CACNA2D3: variants seen among roughly 807,000 people sequenced by gnomAD.
The protein encoded by CACNA2D3 is calcium voltage-gated channel auxiliary subunit alpha2delta 3, also known as voltage-dependent calcium channel subunit alpha-2/delta-3.
Under a neutral mutation model 160.6 loss-of-function variants are expected in CACNA2D3, and 60 were observed. The observed-to-expected ratio is 0.37, with a 90% confidence interval of 0.30 to 0.46. The LOEUF (loss-of-function observed/expected upper bound fraction) is 0.46, where lower values mean the gene tolerates loss of function less well. Ranked by LOEUF, CACNA2D3 falls within the 20% of genes least tolerant of loss-of-function variation. The pLI, the probability that CACNA2D3 is intolerant of heterozygous loss-of-function variation, is 1.00. For synonymous variants in CACNA2D3, 558 were observed against 492.9 expected (o/e 1.13, Z -1.75); for missense variants, 1,205 against 1,365.0 (o/e 0.88, Z 1.85).
intron 2 of CACNA2D3, among the ~76,000 whole-genome samples, chr3:54,159,202 G>T (rs1700297702): frequency 6.6e-6 from 1 of 152,082 alleles, no homozygotes; most frequent in Non-Finnish European, 1.5e-5. Context: ...AGAAAGTGGG[G>T]ATGTAGAAAT....
intron 5 of CACNA2D3, among the ~76,000 whole-genome samples, chr3:54,552,224 A>G (rs550789976): frequency 4.3e-4 from 65 of 152,306 alleles, no homozygotes; most frequent in African/African-American, 1.2e-3. Flanking sequence ...ATTGGTACCC[A>G]GTACTACTCT....
Position 54,679,836 on chromosome 3 carries a change from A to G in CACNA2D3, c.1167+37595A>G, listed in dbSNP as rs138244284. On this transcript the variant is annotated intron_variant, in intron 11 of 37. Coordinates refer to ENST00000474759, the MANE Select transcript of CACNA2D3 (RefSeq NM_018398.3). ...GGCAGAGCTACTGTGAATATTTTCC[A>G]TCATGAATAAAATTACCTTTTTGGC... Among the ~76,000 whole-genome samples the G allele has an allele frequency of 5.9e-3, 904 of 152,376 alleles. 16 individuals are homozygous for G. Among genetic ancestry groups the G allele is most frequent in the African/African-American group, 0.02 (837 of 41,594 alleles).
intron 17 of CACNA2D3, among the ~76,000 whole-genome samples, chr3:54,848,468 T>C (rs1490671039): frequency 2.6e-5 from 4 of 152,226 alleles, no homozygotes; most frequent in South Asian, 2.1e-4. Flanking sequence ...CCAAACCATA[T>C]GAACCATGTT....
chr3:54,483,564 T>C (rs1700968003), intron 4 of CACNA2D3, among the ~76,000 whole-genome samples: 1 of 152,204 alleles, frequency 6.6e-6, no homozygotes, highest in African/African-American at 2.4e-5. Context: ...GGATTTACCT[T>C]CTTGTATTAT....
intron 4 of CACNA2D3, among the ~76,000 whole-genome samples, chr3:54,420,675 CAG>C (rs906404042): frequency 1.3e-5 from 2 of 152,208 alleles, no homozygotes; most frequent in Non-Finnish European, 2.9e-5. Flanking sequence ...AGACCAATCT[CAG>C]GGGAGGAGAT....
intron 3 of CACNA2D3, among the ~76,000 whole-genome samples, chr3:54,350,987 T>TTG (rs1559457836): frequency 4.5e-4 from 13 of 28,782 alleles, no homozygotes; most frequent in Admixed American, 1.2e-3. Flanking sequence ...TTTTTGTTTG[T>TTG]TTTTTTTTTT....
At chr3:54,458,284 A>G (rs752213985) in intron 4 of CACNA2D3, among the ~76,000 whole-genome samples, 1 of 151,816 alleles carries the variant, frequency 6.6e-6, no homozygotes, top group Non-Finnish European at 1.5e-5. Context: ...ATGTGTTTTC[A>G]TTATGATAGT....
intron 17 of CACNA2D3, among the ~76,000 whole-genome samples, chr3:54,859,399 G>A (rs1453975323): frequency 6.6e-6 from 1 of 152,104 alleles, no homozygotes; most frequent in Admixed American, 6.5e-5. Context: ...CATCTCCCAG[G>A]TGCCATTTTT....
chr3:54,764,497 G>A, intron 13 of CACNA2D3, 146 bp downstream of exon 13: 1 of 934,450 alleles, frequency 1.1e-6, no homozygotes, highest in Non-Finnish European at 1.5e-6. Flanking sequence ...TGGTCACCTT[G>A]ACAAGCAAAG....
chr3:55,018,265 G>A lies in CACNA2D3; in HGVS notation c.2935G>A (p.Glu979Lys). ...CDTEYPAFVSERTIKETTGNI... is the reference protein window; with the variant it reads ...CDTEYPAFVSKRTIKETTGNI... The stretch of plus-strand genomic sequence containing the variant: ...TACTGAATATCCAGCATTCGTCTCT[G>A]AGCGCACCATCAAGGAGACTACAGG... Residue 979 changes from glutamate (E) to lysine (K), a missense_variant, in exon 35 of 38, where the codon GAG becomes AAG. This residue lies in a region of CACNA2D3 where 911 missense variants were observed against 1,002.2 expected (regional missense o/e 0.91). Coordinates refer to ENST00000474759, the MANE Select transcript of CACNA2D3 (RefSeq NM_018398.3). 2 of 1,613,326 alleles carry A rather than the reference G, an allele frequency of 1.2e-6. No individual in the cohort carries two copies. The highest frequency in any genetic ancestry group is 1.7e-6 in the Non-Finnish European group (2 of 1,179,614).
chr3:55,064,392 A>G (rs1006965099), intron 35 of CACNA2D3, among the ~76,000 whole-genome samples: 12 of 152,144 alleles, frequency 7.9e-5, no homozygotes, highest in African/African-American at 2.9e-4. Flanking sequence ...GCCCAGGCCC[A>G]GCCAGGTGCC....
chr3:54,942,655 G>A (rs1045283753), intron 27 of CACNA2D3, among the ~76,000 whole-genome samples: 1 of 152,110 alleles, frequency 6.6e-6, no homozygotes, highest in African/African-American at 2.4e-5. Flanking sequence ...TTGGGAGACT[G>A]AGCCAGAAGG....
chr3:55,015,021 C>CA (rs1703299447), intron 34 of CACNA2D3, among the ~76,000 whole-genome samples: 2 of 152,132 alleles, frequency 1.3e-5, no homozygotes, highest in Admixed American at 1.3e-4. Context: ...CTACAATTGT[C>CA]AAAGGAAAAA....
In CACNA2D3 at chr3:54,149,883, G is replaced by GTCTCTCTCTC. The variant is rs554851240; in HGVS notation, c.204+26328_204+26337dup. Among the ~76,000 whole-genome samples, 61 of 60,754 alleles carry GTCTCTCTCTC rather than the reference G, an allele frequency of 1.0e-3. 2 individuals carry two copies. The highest frequency in any genetic ancestry group is 1.5e-3 in the Non-Finnish European group (49 of 32,808). The allele number at this position is 60,754 out of a possible 152,430, so 39.9% of individuals were successfully genotyped here. A position where few individuals can be genotyped will look rare whatever the true frequency, so the allele number is the denominator to read the frequency against. ...CAGAGAGGGCTGTCCTGAAGTATCT[G>GTCTCTCTCTC]TCTCTCTCTCTCTCTCTCTCTCTCT... On this transcript the variant is annotated intron_variant, in intron 2 of 37. Coordinates refer to ENST00000474759, the MANE Select transcript of CACNA2D3 (RefSeq NM_018398.3).
intron 11 of CACNA2D3, among the ~76,000 whole-genome samples, chr3:54,751,352 G>A (rs1210464561): frequency 6.6e-6 from 1 of 152,196 alleles, no homozygotes; most frequent in African/African-American, 2.4e-5. Context: ...AAATTAGGAA[G>A]AAACCATTAC....
intron 27 of CACNA2D3, chr3:54,928,117 G>T (rs897624519): frequency 1.8e-6 from 1 of 564,006 alleles, no homozygotes; most frequent in Non-Finnish European, 3.1e-6. Context: ...TCTCCATCTG[G>T]CTGGGATCAG....
At chr3:54,790,181 C>T (rs1207585120) in intron 13 of CACNA2D3, among the ~76,000 whole-genome samples, 2 of 152,138 alleles carry the variant, frequency 1.3e-5, no homozygotes, top group Non-Finnish European at 2.9e-5. Flanking sequence ...TCTGAGACAG[C>T]TTGCATAACC....
chr3:54,686,449 AATGTT>A (rs1411743707), intron 11 of CACNA2D3, among the ~76,000 whole-genome samples: 1 of 152,238 alleles, frequency 6.6e-6, no homozygotes, highest in Non-Finnish European at 1.5e-5. Context: ...AGGTTAAAGT[AATGTT>A]AAGACTGAAT....
At chr3:54,717,938 C>T (rs912778213) in intron 11 of CACNA2D3, among the ~76,000 whole-genome samples, 2 of 151,924 alleles carry the variant, frequency 1.3e-5, no homozygotes, top group Non-Finnish European at 2.9e-5. Flanking sequence ...ATCTTAATTC[C>T]CATCCCTGTG....
Sources: gnomAD v4.1 joint callset for allele counts (sites outside exome capture counted in the v4.1 genomes callset) on GRCh38, gnomAD v4.1.1 for gene constraint, gnomAD v4.1.1 regional missense constraint, MANE v1.5 for transcripts, NCBI Gene and HGNC (gene_info 2026-07-23, HGNC 2026-07-21) for gene names.